The following C1QTNF7 variants were observed in gnomAD, a reference collection of about 807,000 sequenced individuals.
The protein encoded by C1QTNF7 is C1q and TNF related 7.
In C1QTNF7, 15 loss-of-function variants were observed where a neutral mutation model predicts 19.6. The observed-to-expected ratio is 0.76, with a 90% confidence interval of 0.51 to 1.18. The LOEUF is 1.18. Ranked by LOEUF, C1QTNF7 falls within the 50% of genes most tolerant of loss-of-function variation. The pLI is 0.00. For missense variants in C1QTNF7, 324 were observed against 359.7 expected, an observed-to-expected ratio of 0.90 and a Z score of 0.80; for synonymous variants, 142 against 137.5, an observed-to-expected ratio of 1.03 and a Z score of -0.23.
At chr4:15,369,583 T>A (rs1220173510) in intron 1 of C1QTNF7, among the ~76,000 whole-genome samples, 2 of 152,220 alleles carry the variant, frequency 1.3e-5, no homozygotes, top group African/African-American at 4.8e-5. Flanking sequence ...TAAGAATGAT[T>A]TAAAAAGTTT....
intron 2 of C1QTNF7, among the ~76,000 whole-genome samples, chr4:15,439,349 C>T (rs1712661135): frequency 6.6e-6 from 1 of 152,210 alleles, no homozygotes; most frequent in Admixed American, 6.5e-5. Context: ...AATTGCATCC[C>T]AGAATGTATG....
At chr4:15,365,417 C>T (rs1717478101) in intron 1 of C1QTNF7, among the ~76,000 whole-genome samples, 1 of 152,126 alleles carries the variant, frequency 6.6e-6, no homozygotes, top group African/African-American at 2.4e-5. Context: ...TAAAATGTTT[C>T]AAATGACATT....
chr4:15,365,052 T>G (rs1018239191), intron 1 of C1QTNF7, among the ~76,000 whole-genome samples: 1 of 152,104 alleles, frequency 6.6e-6, no homozygotes, highest in Non-Finnish European at 1.5e-5. Context: ...TTGAGCAGGG[T>G]TTTTCCTCTT....
chr4:15,368,518 C>G (rs1247290615), intron 1 of C1QTNF7, among the ~76,000 whole-genome samples: 2 of 152,072 alleles, frequency 1.3e-5, no homozygotes, highest in Non-Finnish European at 2.9e-5. Flanking sequence ...TCAATTCCCA[C>G]CTGTGAGTGA....
chr4:15,394,914 G>C (rs886187105), intron 1 of C1QTNF7, among the ~76,000 whole-genome samples: 13 of 152,170 alleles, frequency 8.5e-5, no homozygotes, highest in Non-Finnish European at 1.5e-4. Flanking sequence ...TTTCCCAAAA[G>C]AACTTGAGTA....
intron 1 of C1QTNF7, among the ~76,000 whole-genome samples, chr4:15,412,020 A>G (rs2108917217): frequency 6.6e-6 from 1 of 152,168 alleles, no homozygotes; most frequent in South Asian, 2.1e-4. Flanking sequence ...GAGCTTCACC[A>G]CCTGTCAGAT....
intron 1 of C1QTNF7, among the ~76,000 whole-genome samples, chr4:15,415,299 A>G (rs775932438): frequency 2.0e-5 from 3 of 152,218 alleles, no homozygotes; most frequent in Non-Finnish European, 4.4e-5. Flanking sequence ...GAGGAGGAGG[A>G]AGAGAAAATA....
chr4:15,392,151 G>T (rs577696850), intron 1 of C1QTNF7, among the ~76,000 whole-genome samples: 1 of 152,298 alleles, frequency 6.6e-6, no homozygotes, highest in Non-Finnish European at 1.5e-5. Flanking sequence ...ATGTGCCATA[G>T]ACACCAAGCT....
intron 2 of C1QTNF7, among the ~76,000 whole-genome samples, chr4:15,441,048 A>G (rs1318142002): frequency 6.6e-6 from 1 of 152,156 alleles, no homozygotes; most frequent in African/African-American, 2.4e-5. Context: ...AGGCTGAGGC[A>G]GGAGAATAGC....
intron 1 of C1QTNF7, among the ~76,000 whole-genome samples, chr4:15,407,637 C>G (rs1577262982): frequency 6.6e-6 from 1 of 152,090 alleles, no homozygotes; most frequent in African/African-American, 2.4e-5. Flanking sequence ...TGAATTGGAT[C>G]CTGGGAAAGA....
At chr4:15,395,727 G>A (rs1371371130) in intron 1 of C1QTNF7, among the ~76,000 whole-genome samples, 2 of 152,138 alleles carry the variant, frequency 1.3e-5, no homozygotes, top group South Asian at 2.1e-4. Flanking sequence ...GACCTACTCT[G>A]TGCTGAGAAA....
chr4:15,360,522 A>G (rs1270175187), intron 1 of C1QTNF7, among the ~76,000 whole-genome samples: 4 of 152,188 alleles, frequency 2.6e-5, no homozygotes, highest in Admixed American at 2.0e-4. Flanking sequence ...TATTTTCTTC[A>G]TAAGGCACAT....
chr4:15,362,260 G>A (rs1717369314), intron 1 of C1QTNF7, among the ~76,000 whole-genome samples: 1 of 152,004 alleles, frequency 6.6e-6, no homozygotes, highest in Non-Finnish European at 1.5e-5. Flanking sequence ...GTCCTCAATG[G>A]CTGAGAAATT....
intron 1 of C1QTNF7, among the ~76,000 whole-genome samples, chr4:15,350,117 G>GAGA: frequency 1.7e-5 from 2 of 120,032 alleles, no homozygotes; most frequent in African/African-American, 6.7e-5. Flanking sequence ...GAGGCAGGCA[G>GAGA]GCAAGCAGGA....
chr4:15,368,174 T>C (rs555260381), intron 1 of C1QTNF7, among the ~76,000 whole-genome samples: 65 of 152,342 alleles, frequency 4.3e-4, no homozygotes, highest in African/African-American at 1.5e-3. Context: ...ATAGACTCTT[T>C]GTGTCTGGCT....
At position 15,414,111 on chromosome 4, in the gene C1QTNF7, G is replaced by A. The variant is rs551919333; in HGVS notation, c.14-21625G>A. Among the ~76,000 whole-genome samples the A allele has an allele frequency of 3.5e-3, 534 of 152,250 alleles. 4 individuals are homozygous for A. The highest frequency in any genetic ancestry group is 0.012 in the African/African-American group (514 of 41,538). On this transcript the variant is annotated intron_variant, in intron 1 of 2. Coordinates refer to the C1QTNF7 transcript ENST00000295297. Reference sequence around the variant, plus strand: ...CGATTTATGTCTCTCCTAGAGTTCTGTATGCTTCTTCAGGGCAGATAAATA... The same window carrying A: ...CGATTTATGTCTCTCCTAGAGTTCTATATGCTTCTTCAGGGCAGATAAATA...
intron 1 of C1QTNF7, among the ~76,000 whole-genome samples, chr4:15,352,897 C>G (rs983011209): frequency 2.0e-5 from 3 of 152,162 alleles, no homozygotes; most frequent in Admixed American, 2.0e-4. Flanking sequence ...TTGATTACTC[C>G]TAAAAACTGA....
chr4:15,395,189 C>A (rs1560354341), intron 1 of C1QTNF7, among the ~76,000 whole-genome samples: 1 of 152,086 alleles, frequency 6.6e-6, no homozygotes, highest in Admixed American at 6.5e-5. Context: ...TTAGGACTGG[C>A]TACTTGGAAT....
chr4:15,427,920 C>T (rs538588371), upstream of C1QTNF7: 146 of 568,784 alleles, frequency 2.6e-4, no homozygotes, highest in African/African-American at 2.9e-3. Context: ...TGAATGACTT[C>T]CAGGGCCTTT....
Sources: allele counts gnomAD v4.1 joint callset (sites outside exome capture counted in the v4.1 genomes callset), GRCh38; gene constraint gnomAD v4.1.1; transcripts MANE v1.5; gene names NCBI Gene and HGNC (gene_info 2026-07-23, HGNC 2026-07-21).